DLG2: variants seen among roughly 807,000 people sequenced by gnomAD.
The protein encoded by DLG2 is disks large homolog 2.
In DLG2, 45 loss-of-function variants were observed where a neutral mutation model predicts 132.5. That is an observed-to-expected ratio of 0.34 (90% CI 0.27 to 0.44). The LOEUF (loss-of-function observed/expected upper bound fraction) is 0.44, where lower values mean the gene tolerates loss of function less well. Ranked by LOEUF, DLG2 falls within the 20% of genes least tolerant of loss-of-function variation. The pLI is 1.00. For missense variants in DLG2, 1,045 were observed against 1,196.9 expected (o/e 0.87, Z 1.87); for synonymous variants, 424 against 419.6 (o/e 1.01, Z -0.13).
intron 7 of DLG2, among the ~76,000 whole-genome samples, chr11:84,295,474 C>A (rs2098077832): frequency 2.0e-5 from 3 of 152,114 alleles, no homozygotes; most frequent in Admixed American, 6.5e-5. Context: ...TCACTGTATT[C>A]TCTTCTGGGG....
intron 6 of DLG2, among the ~76,000 whole-genome samples, chr11:85,087,566 C>T (rs1169438906): frequency 1.3e-5 from 2 of 152,116 alleles, no homozygotes; most frequent in Non-Finnish European, 1.5e-5. Context: ...GGGCCGGGCG[C>T]GGTGGCTCAC....
chr11:85,270,129 A>G (rs1435947608), intron 4 of DLG2, among the ~76,000 whole-genome samples: 1 of 152,154 alleles, frequency 6.6e-6, no homozygotes, highest in Non-Finnish European at 1.5e-5. Context: ...CTGTGTCCCC[A>G]CCCAAATCTC....
chr11:85,022,249 G>T (rs1041988820), intron 6 of DLG2, among the ~76,000 whole-genome samples: 1 of 151,594 alleles, frequency 6.6e-6, no homozygotes, highest in African/African-American at 2.4e-5. Flanking sequence ...AAAACAGAAA[G>T]AATGAAACAC....
intron 8 of DLG2, chr11:84,166,813 G>T (rs1167353304): frequency 2.2e-6 from 1 of 444,956 alleles, no homozygotes; most frequent in Non-Finnish European, 4.6e-6. Context: ...ACAATCCATT[G>T]TTGTTTGAAC....
intron 8 of DLG2, chr11:84,166,959 G>C (rs1452036686): frequency 1.9e-6 from 1 of 533,042 alleles, no homozygotes; most frequent in Non-Finnish European, 3.8e-6. Context: ...TAAGTACCTT[G>C]GTCATATTTT....
At chr11:85,102,312 G>C (rs1475618576) in intron 6 of DLG2, among the ~76,000 whole-genome samples, 2 of 151,980 alleles carry the variant, frequency 1.3e-5, no homozygotes, top group Admixed American at 1.3e-4. Flanking sequence ...AACAAGGTAA[G>C]AATATGTTCC....
chr11:83,919,270 C>G (rs1330327577), intron 15 of DLG2, among the ~76,000 whole-genome samples: 1 of 152,036 alleles, frequency 6.6e-6, no homozygotes, highest in Non-Finnish European at 1.5e-5. Flanking sequence ...TACCATAGGC[C>G]CTGTACTATT....
At chr11:84,623,371 T>C (rs1175014947) in intron 6 of DLG2, among the ~76,000 whole-genome samples, 1 of 152,192 alleles carries the variant, frequency 6.6e-6, no homozygotes, top group South Asian at 2.1e-4. Context: ...GGAAAATTCT[T>C]TCCATGAAAC....
chr11:84,892,805 C>T (rs949416242), intron 6 of DLG2, among the ~76,000 whole-genome samples: 2 of 152,088 alleles, frequency 1.3e-5, no homozygotes, highest in African/African-American at 2.4e-5. Context: ...TCCCACATGC[C>T]CTTTCTCCCT....
intron 6 of DLG2, among the ~76,000 whole-genome samples, chr11:84,747,762 T>C (rs1259648602): frequency 2.6e-5 from 4 of 151,682 alleles, no homozygotes; most frequent in Non-Finnish European, 4.4e-5. Flanking sequence ...TTATATGTGC[T>C]AATTTAGGTG....
chr11:84,079,285 T>TG (rs754718841), intron 10 of DLG2, among the ~76,000 whole-genome samples: 20 of 151,496 alleles, frequency 1.3e-4, no homozygotes, highest in South Asian at 2.1e-4. Context: ...TTTGTTTTTT[T>TG]TTTTGTTTTT....
At chr11:84,202,087 G>A (rs1245438881) in intron 8 of DLG2, among the ~76,000 whole-genome samples, 1 of 151,854 alleles carries the variant, frequency 6.6e-6, no homozygotes, top group Non-Finnish European at 1.5e-5. Flanking sequence ...AAAGTGCTGT[G>A]ATTACAGGCA....
intron 3 of DLG2, among the ~76,000 whole-genome samples, chr11:85,577,619 A>T (rs1028359840): frequency 6.6e-6 from 1 of 152,116 alleles, no homozygotes; most frequent in Non-Finnish European, 1.5e-5. Context: ...CAAGTCAGGG[A>T]TACAGATATA....
At chr11:83,958,911 T>G (rs1434564219) in intron 14 of DLG2, among the ~76,000 whole-genome samples, 1 of 152,158 alleles carries the variant, frequency 6.6e-6, no homozygotes, top group Non-Finnish European at 1.5e-5. Flanking sequence ...CAAATCACTC[T>G]GGGCCCTGTG....
intron 6 of DLG2, among the ~76,000 whole-genome samples, chr11:84,983,788 A>C (rs1363511106): frequency 1.3e-5 from 2 of 152,202 alleles, no homozygotes; most frequent in Non-Finnish European, 2.9e-5. Flanking sequence ...TGAAATAGAC[A>C]GCATAAAGAA....
At chr11:84,527,391 T>G (rs561878855) in intron 7 of DLG2, among the ~76,000 whole-genome samples, 4 of 152,316 alleles carry the variant, frequency 2.6e-5, no homozygotes, top group Admixed American at 2.6e-4. Flanking sequence ...AGTTTTTTTA[T>G]TGGCTTCTTC....
At chr11:84,737,496 AAGAGACAGAGAG>A (rs374147686) in intron 6 of DLG2, among the ~76,000 whole-genome samples, 365 of 123,594 alleles carry the variant, frequency 3.0e-3, no homozygotes, top group African/African-American at 9.7e-3. Context: ...GAGAGAAAGA[AAGAGACAGAGAG>A]AGAGAGAGAG....
At chr11:84,187,430 T>A (rs1023666035) in intron 8 of DLG2, among the ~76,000 whole-genome samples, 13 of 152,172 alleles carry the variant, frequency 8.5e-5, no homozygotes, top group African/African-American at 3.1e-4. Flanking sequence ...AGTGTACTTG[T>A]GTGGATTTTC....
intron 6 of DLG2, among the ~76,000 whole-genome samples, chr11:84,709,096 CTGAA>C (rs1565728255): frequency 6.6e-6 from 1 of 151,812 alleles, no homozygotes; most frequent in East Asian, 1.9e-4. Flanking sequence ...CTATCAGACT[CTGAA>C]GTGAGATAAT....
Sources: gnomAD v4.1 joint callset for allele counts (sites outside exome capture counted in the v4.1 genomes callset) on GRCh38, gnomAD v4.1.1 for gene constraint, MANE v1.5 for transcripts, NCBI Gene and HGNC (gene_info 2026-07-23, HGNC 2026-07-21) for gene names.